The following NRXN1 variants were observed in gnomAD, a reference collection of about 807,000 sequenced individuals.
The protein encoded by NRXN1 is neurexin-1.
NRXN1 carries 39 observed loss-of-function variants against 150.9 expected under a neutral mutation model. The observed-to-expected ratio is 0.26, with a 90% confidence interval of 0.20 to 0.34. The LOEUF is 0.34. Ranked by LOEUF, NRXN1 falls within the 10% of genes least tolerant of loss-of-function variation. NRXN1 has a pLI of 1.00. For missense variants in NRXN1, 1,815 were observed against 1,949.9 expected (o/e 0.93, Z 1.30); for synonymous variants, 924 against 757.0 (o/e 1.22, Z -3.62).
intron 18 of NRXN1, among the ~76,000 whole-genome samples, chr2:50,221,670 A>T (rs770549371): frequency 2.0e-5 from 3 of 152,022 alleles, no homozygotes; most frequent in Non-Finnish European, 2.9e-5. Context: ...AATAGGACTG[A>T]AGTAATTAAT....
At chr2:50,395,383 C>T (rs2081991506) in intron 17 of NRXN1, among the ~76,000 whole-genome samples, 1 of 151,234 alleles carries the variant, frequency 6.6e-6, no homozygotes, top group African/African-American at 2.4e-5. Flanking sequence ...TTTTATTAAA[C>T]ATACTCTTCT....
intron 5 of NRXN1, among the ~76,000 whole-genome samples, chr2:50,761,621 T>C (rs1195922284): frequency 6.6e-6 from 1 of 151,912 alleles, no homozygotes; most frequent in Non-Finnish European, 1.5e-5. Context: ...TGATGGTTAA[T>C]ATTGAGTGTC....
intron 18 of NRXN1, among the ~76,000 whole-genome samples, chr2:50,129,779 C>T (rs999229796): frequency 8.5e-5 from 13 of 152,132 alleles, no homozygotes; most frequent in Non-Finnish European, 4.4e-5. Flanking sequence ...AAGAAAGCCA[C>T]TTTGGCCACT....
chr2:50,034,706 G>C (rs1689751312), intron 21 of NRXN1, among the ~76,000 whole-genome samples: 1 of 151,960 alleles, frequency 6.6e-6, no homozygotes. Flanking sequence ...TATATACTTA[G>C]TAAAGGAATG....
intron 5 of NRXN1, among the ~76,000 whole-genome samples, chr2:50,901,537 C>A (rs1374611577): frequency 2.0e-5 from 3 of 151,700 alleles, no homozygotes; most frequent in African/African-American, 7.3e-5. Flanking sequence ...ACTCCGTCCC[C>A]GCAAAAAAAG....
chr2:50,566,577 C>T (rs1669904606), intron 8 of NRXN1, among the ~76,000 whole-genome samples: 1 of 152,028 alleles, frequency 6.6e-6, no homozygotes, highest in Non-Finnish European at 1.5e-5. Flanking sequence ...TGAATCATTA[C>T]AGCACCCAAC....
At chr2:50,087,025 T>A (rs1041548787) in intron 19 of NRXN1, among the ~76,000 whole-genome samples, 1 of 152,194 alleles carries the variant, frequency 6.6e-6, no homozygotes, top group African/African-American at 2.4e-5. Flanking sequence ...CATTTCCTGC[T>A]AATCCTTCCT....
At chr2:50,029,273 G>A (rs1229696973) in intron 21 of NRXN1, among the ~76,000 whole-genome samples, 2 of 152,140 alleles carry the variant, frequency 1.3e-5, no homozygotes, top group East Asian at 3.9e-4. Flanking sequence ...AGCATTGTGA[G>A]AAATAAATGT....
chr2:50,152,389 A>C (rs1471163894), intron 18 of NRXN1, among the ~76,000 whole-genome samples: 2 of 151,642 alleles, frequency 1.3e-5, no homozygotes, highest in African/African-American at 4.8e-5. Context: ...TTTCCTTTTA[A>C]AGGCTGAATA....
chr2:50,014,820 G>C (rs1686302764), intron 21 of NRXN1, among the ~76,000 whole-genome samples: 1 of 151,966 alleles, frequency 6.6e-6, no homozygotes, highest in Non-Finnish European at 1.5e-5. Flanking sequence ...TTCTAGGCAG[G>C]AATCTAGCAT....
intron 21 of NRXN1, among the ~76,000 whole-genome samples, chr2:49,990,103 A>T (rs6754079): frequency 0.31 from 45,975 of 147,756 alleles, 7,283 homozygotes; most frequent in East Asian, 0.45. Flanking sequence ...CAATAAATTT[A>T]AAAAAAAAAA....
At chr2:50,748,324 CTG>C (rs1190640092) in intron 5 of NRXN1, among the ~76,000 whole-genome samples, 12 of 152,136 alleles carry the variant, frequency 7.9e-5, no homozygotes, top group Admixed American at 7.9e-4. Flanking sequence ...TAAATAGAAA[CTG>C]TGATTATGCA....
chr2:50,281,596 A>C (rs2071473104), intron 17 of NRXN1, among the ~76,000 whole-genome samples: 1 of 152,142 alleles, frequency 6.6e-6, no homozygotes, highest in East Asian at 1.9e-4. Context: ...ATTAATGATA[A>C]AGATGTGTTC....
chr2:50,107,657 G>A (rs1573953722), intron 18 of NRXN1, among the ~76,000 whole-genome samples: 1 of 150,310 alleles, frequency 6.7e-6, no homozygotes, highest in African/African-American at 2.4e-5. Flanking sequence ...GAGCTGAAAC[G>A]GATTAATTAG....
At chr2:50,626,464 T>C (rs1410329579) in intron 5 of NRXN1, among the ~76,000 whole-genome samples, 1 of 151,946 alleles carries the variant, frequency 6.6e-6, no homozygotes, top group Non-Finnish European at 1.5e-5. Context: ...AAACTTAAAA[T>C]ATTCTTAAGC....
intron 17 of NRXN1, among the ~76,000 whole-genome samples, chr2:50,350,286 AG>A (rs1417767844): frequency 6.6e-6 from 1 of 152,212 alleles, no homozygotes; most frequent in Non-Finnish European, 1.5e-5. Flanking sequence ...TTTCTCCATA[AG>A]GCACATCACA....
chr2:50,266,002 A>ATTT (rs747310591), intron 17 of NRXN1, among the ~76,000 whole-genome samples: 9 of 84,680 alleles, frequency 1.1e-4, no homozygotes, highest in African/African-American at 3.7e-4. Context: ...ATTATTATTT[A>ATTT]TTTTTTTTTT....
At chr2:50,913,325 C>A (rs775672857) in intron 5 of NRXN1, among the ~76,000 whole-genome samples, 1 of 151,736 alleles carries the variant, frequency 6.6e-6, no homozygotes, top group East Asian at 1.9e-4. Flanking sequence ...GGATTTCCAT[C>A]CCTCTAGCAG....
At chr2:50,702,724 C>T (rs2104974456) in intron 5 of NRXN1, among the ~76,000 whole-genome samples, 1 of 152,232 alleles carries the variant, frequency 6.6e-6, no homozygotes, top group South Asian at 2.1e-4. Flanking sequence ...CAGATAAATT[C>T]ACTAAATTAA....
Sources: gnomAD v4.1 joint callset for allele counts (sites outside exome capture counted in the v4.1 genomes callset) on GRCh38, gnomAD v4.1.1 for gene constraint, MANE v1.5 for transcripts, NCBI Gene and HGNC (gene_info 2026-07-23, HGNC 2026-07-21) for gene names.